Variants in HS6ST1 observed in about 807,000 individuals in gnomAD.
HS6ST1 encodes heparan sulfate 6-O-sulfotransferase 1.
A neutral mutation model predicts 25.2 loss-of-function variants in HS6ST1; 3 were observed. That is an observed-to-expected ratio of 0.12 (90% confidence interval 0.05 to 0.31). The LOEUF (loss-of-function observed/expected upper bound fraction) is 0.31. Ranked by LOEUF, HS6ST1 falls within the 10% of genes least tolerant of loss-of-function variation. HS6ST1 has a pLI of 1.00. For synonymous variants in HS6ST1, 204 were observed against 275.1 expected, an observed-to-expected ratio of 0.74 and a Z score of 2.56; for missense variants, 310 against 609.6, an observed-to-expected ratio of 0.51 and a Z score of 5.18.
At position 128,268,606 on chromosome 2, in the gene HS6ST1, G is replaced by T; in HGVS notation, c.792C>A (p.Asn264Lys). Residue 264 changes from asparagine (N) to lysine (K), a missense_variant, in exon 2 of 2, where the codon AAC (asparagine) becomes AAA (lysine). By Grantham distance (94) the Asn-to-Lys change is moderately conservative (BLOSUM62 0). Transcript: ENST00000259241. ...LADLSLVGCY[N>K]LSFIPEGKRA... ...GCTTGCCCTCGGGGATGAAGGACAG[G>T]TTGTAGCAGCCCACCAGGCTCAGGT... 1.2e-6 allele frequency: 2 copies of T among 1,607,546 alleles called. No homozygotes were observed. The highest frequency in any genetic ancestry group is 1.1e-5 in the South Asian group (1 of 90,754).
At chr2:128,282,239 A>G (rs1243860138) in intron 1 of HS6ST1, among the ~76,000 whole-genome samples, 2 of 152,222 alleles carry the variant, frequency 1.3e-5, no homozygotes, top group Non-Finnish European at 2.9e-5. Context: ...CATAAAGAAA[A>G]AACCACCTTT....
chr2:128,293,734 G>A (rs547240936), intron 1 of HS6ST1, among the ~76,000 whole-genome samples: 2 of 152,204 alleles, frequency 1.3e-5, no homozygotes, highest in Non-Finnish European at 2.9e-5. Context: ...GAAGGAAGGC[G>A]AGTTACATTT....
rs780905641 is a variant in HS6ST1 at position 128,268,888 on chromosome 2, G to A, written c.528-18C>T. ...AGAACTTCCTGCAAGGAGACGGGGAGAGGAGGTGAGGGCTGTGACGCAGCA... is the reference window on the plus strand; with the variant it reads ...AGAACTTCCTGCAAGGAGACGGGGAAAGGAGGTGAGGGCTGTGACGCAGCA... On this transcript the variant is annotated intron_variant, in intron 1 of 1. Transcript: ENST00000259241. The A allele has an allele frequency of 3.1e-6, 5 of 1,591,752 alleles. No individual in the cohort carries two copies. In the Admixed American group the frequency reaches 6.7e-5, roughly 21 times the overall value.
chr2:128,278,367 A>C (rs895293921), intron 1 of HS6ST1, among the ~76,000 whole-genome samples: 4 of 152,228 alleles, frequency 2.6e-5, no homozygotes, highest in African/African-American at 9.6e-5. Flanking sequence ...TGAGACTTCA[A>C]ACCTGGTTCA....
chr2:128,278,576 C>T (rs915149925), intron 1 of HS6ST1, among the ~76,000 whole-genome samples: 12 of 152,198 alleles, frequency 7.9e-5, no homozygotes, highest in African/African-American at 1.9e-4. Flanking sequence ...CGGAGGCCGA[C>T]GGCAGGCACA....
chr2:128,286,026 C>A (rs1039578487), intron 1 of HS6ST1, among the ~76,000 whole-genome samples: 1 of 152,196 alleles, frequency 6.6e-6, no homozygotes, highest in African/African-American at 2.4e-5. Context: ...CCCCTCTGAG[C>A]CCCAGGGACT....
chr2:128,274,061 C>T (rs889255518), intron 1 of HS6ST1, among the ~76,000 whole-genome samples: 1 of 152,200 alleles, frequency 6.6e-6, no homozygotes, highest in Non-Finnish European at 1.5e-5. Context: ...CCTGCACTGA[C>T]ACCTGGGACC....
rs577700976 is a variant in HS6ST1, at chr2:128,290,669, G to C, written c.528-21799C>G. Among the ~76,000 whole-genome samples the C allele has an allele frequency of 5.9e-5, 9 of 152,184 alleles. No individual in the cohort carries two copies. In the East Asian group the frequency reaches 1.7e-3, roughly 29 times the overall value. On this transcript the variant is annotated intron_variant, in intron 1 of 1. Coordinates refer to ENST00000259241, the MANE Select transcript of HS6ST1 (RefSeq NM_004807.3). The stretch of plus-strand genomic sequence containing the variant: ...CATAATAAAAACTCTCAGGAAACTA[G>C]GAATAGAAGTCCCTTAATTTGGCCA...
chr2:128,286,455 G>C (rs1026809593), intron 1 of HS6ST1, among the ~76,000 whole-genome samples: 1 of 152,170 alleles, frequency 6.6e-6, no homozygotes, highest in Admixed American at 6.5e-5. Flanking sequence ...AAGGGGGCTG[G>C]GGAATGAATT....
intron 1 of HS6ST1, among the ~76,000 whole-genome samples, chr2:128,305,244 C>T (rs1213703164): frequency 6.6e-6 from 1 of 152,242 alleles, no homozygotes; most frequent in Non-Finnish European, 1.5e-5. Context: ...GAATGATGTT[C>T]TCTGCTGGGA....
chr2:128,285,632 G>A (rs1179857866), intron 1 of HS6ST1, among the ~76,000 whole-genome samples: 12 of 152,182 alleles, frequency 7.9e-5, no homozygotes, highest in Admixed American at 3.9e-4. Flanking sequence ...AGTGAGGCTC[G>A]AGGAAAGGCC....
At chr2:128,296,750 A>G (rs1264419227) in intron 1 of HS6ST1, among the ~76,000 whole-genome samples, 4 of 152,266 alleles carry the variant, frequency 2.6e-5, no homozygotes, top group African/African-American at 4.8e-5. Context: ...TCCCATGTCC[A>G]TGAACTGAAA....
intron 1 of HS6ST1, among the ~76,000 whole-genome samples, chr2:128,301,822 T>C (rs1006661028): frequency 6.6e-6 from 1 of 152,156 alleles, no homozygotes; most frequent in Admixed American, 6.5e-5. Context: ...CCGGCACTCA[T>C]GGACATCGGG....
intron 1 of HS6ST1, among the ~76,000 whole-genome samples, chr2:128,309,352 T>C (rs986880611): frequency 1.4e-4 from 21 of 152,250 alleles, no homozygotes; most frequent in African/African-American, 5.1e-4. Flanking sequence ...GGGCCAGAGC[T>C]AGAATGCAAA....
intron 1 of HS6ST1, among the ~76,000 whole-genome samples, chr2:128,302,381 TG>T (rs1168243567): frequency 6.6e-6 from 1 of 152,158 alleles, no homozygotes; most frequent in Non-Finnish European, 1.5e-5. Context: ...TGTTCACATG[TG>T]GGAGTGCATG....
intron 1 of HS6ST1, among the ~76,000 whole-genome samples, chr2:128,293,618 T>A (rs1403495016): frequency 6.6e-6 from 1 of 152,208 alleles, no homozygotes. Flanking sequence ...GGGGCTGGTA[T>A]GGCCTGGAGG....
At chr2:128,274,421 C>T (rs1214024048) in intron 1 of HS6ST1, among the ~76,000 whole-genome samples, 2 of 152,196 alleles carry the variant, frequency 1.3e-5, no homozygotes, top group African/African-American at 4.8e-5. Flanking sequence ...ATCTCATACC[C>T]AGCCAAACTA....
At chr2:128,305,268 A>G (rs13014434) in intron 1 of HS6ST1, among the ~76,000 whole-genome samples, 2 of 152,206 alleles carry the variant, frequency 1.3e-5, no homozygotes, top group Non-Finnish European at 2.9e-5. Flanking sequence ...TTGCCAGCCC[A>G]GCTTCCAGGA....
Position 128,314,058 on chromosome 2 carries a change from A to T in HS6ST1, c.527+3979T>A, listed in dbSNP as rs182508886. On this transcript the variant is annotated intron_variant, in intron 1 of 1. Transcript: ENST00000259241. The stretch of plus-strand genomic sequence containing the variant: ...CTCTAGGCAATGTAGGCACAGTGAC[A>T]CCCCCAGCCTGGTCCCCAGGTCCTG... 5.4e-4 allele frequency among the ~76,000 whole-genome samples: 82 copies of T among 151,938 alleles called. 1 individual carries two copies. In the East Asian group the frequency reaches 0.011, roughly 20 times the overall value.
Sources: gnomAD v4.1 joint callset for allele counts (sites outside exome capture counted in the v4.1 genomes callset) on GRCh38, gnomAD v4.1.1 for gene constraint, MANE v1.5 for transcripts, NCBI Gene and HGNC (gene_info 2026-07-23, HGNC 2026-07-21) for gene names.